Variants in CRKL observed in about 807,000 individuals in gnomAD.
CRKL encodes the protein CRK like proto-oncogene, adaptor protein.
Under a neutral mutation model 23.0 loss-of-function variants are expected in CRKL, and 3 were observed. The observed-to-expected ratio is 0.13, with a 90% CI of 0.06 to 0.34. The LOEUF (loss-of-function observed/expected upper bound fraction) is 0.34. Among genes scored for constraint, CRKL ranks in the 10% least tolerant of loss-of-function variants. CRKL has a pLI of 1.00. For synonymous variants in CRKL, 188 were observed against 160.7 expected (o/e 1.17, Z -1.28); for missense variants, 256 against 394.5 (o/e 0.65, Z 2.97).
chr22:20,947,255 T>TTC (rs1569138573), intron 2 of CRKL, among the ~76,000 whole-genome samples: 5 of 151,872 alleles, frequency 3.3e-5, no homozygotes, highest in African/African-American at 1.2e-4. Flanking sequence ...TTTTTTTTTT[T>TTC]CAATAGAAGC....
chr22:20,940,060 G>C (rs542029743), intron 2 of CRKL, among the ~76,000 whole-genome samples: 1 of 152,248 alleles, frequency 6.6e-6, no homozygotes, highest in South Asian at 2.1e-4. Context: ...AAAGTGCTGG[G>C]ATTATAGGCA....
At chr22:20,948,518 A>G (rs8142366) in intron 2 of CRKL, among the ~76,000 whole-genome samples, 4,546 of 152,208 alleles carry the variant, frequency 0.03, 217 homozygotes, top group African/African-American at 0.1. Flanking sequence ...GAACCTTTCA[A>G]AGTTGGAAGG....
At position 20,953,151 on chromosome 22, in the gene CRKL, T is replaced by C. The variant is rs906183347; in HGVS notation, c.*3306T>C. 1 of 231,720 alleles carries C rather than the reference T, an allele frequency of 4.3e-6. No individual in the cohort carries two copies. The highest frequency in any genetic ancestry group is 8.6e-6 in the Non-Finnish European group (1 of 116,918). 14.4% of individuals were successfully genotyped at this position (231,720 alleles called of 1,614,324 possible). ...CAGGTGTTTATAATTAATCCTTTAA[T>C]ATTATGGTTATTAACCTCTTAAACA... On this transcript the variant is annotated 3_prime_UTR_variant, in exon 3 of 3. Coordinates refer to ENST00000354336, the MANE Select transcript of CRKL (RefSeq NM_005207.4).
Position 20,950,085 on chromosome 22 carries a change from T to A in CRKL, c.*240T>A. On this transcript the variant is annotated 3_prime_UTR_variant, in exon 3 of 3. Coordinates refer to ENST00000354336, the MANE Select transcript of CRKL (RefSeq NM_005207.4). The stretch of plus-strand genomic sequence containing the variant: ...GTTCTTTTGGATCATAAACTGGAAA[T>A]ACTGATGGAAGCACACAAGTGGAGA... The A allele has an allele frequency of 4.1e-6, 2 of 489,970 alleles. No homozygotes were observed. Among genetic ancestry groups the A allele is most frequent in the Non-Finnish European group, 7.0e-6 (2 of 284,350 alleles). 30.4% of individuals were successfully genotyped at this position (489,970 alleles called of 1,614,324 possible). A position where few individuals can be genotyped will look rare whatever the true frequency, so the allele number is the denominator to read the frequency against.
At chr22:20,919,749 TG>T (rs1309759154) in intron 1 of CRKL, among the ~76,000 whole-genome samples, 2 of 152,160 alleles carry the variant, frequency 1.3e-5, no homozygotes, top group East Asian at 3.8e-4. Flanking sequence ...TATGACTTTA[TG>T]GATTTGTCGA....
chr22:20,944,850 A>T (rs1922000179), intron 2 of CRKL, among the ~76,000 whole-genome samples: 1 of 151,612 alleles, frequency 6.6e-6, no homozygotes, highest in East Asian at 1.9e-4. Context: ...AGTAGCTGGG[A>T]CTACAGGTGC....
At chr22:20,936,570 C>T (rs963805867) in intron 2 of CRKL, among the ~76,000 whole-genome samples, 1 of 152,034 alleles carries the variant, frequency 6.6e-6, no homozygotes, top group Admixed American at 6.6e-5. Context: ...AGGCTGGTCT[C>T]GAACTGCTGA....
chr22:20,949,769 T>C lies in CRKL; in HGVS notation c.836T>C (p.Val279Ala). ...ATAAATGGCCAGTGGGAAGGCGAAG[T>C]GAACGGGCGCAAAGGGCTTTTCCCC... ...MNINGQWEGE[V>A]NGRKGLFPFT... is the part of the protein sequence containing the mutation. The change falls in exon 3 of 3, where the codon GTG (valine) becomes GCG (alanine). Residue 279 changes from valine to alanine, a missense_variant. Val to Ala is a moderately conservative substitution (Grantham distance 64, BLOSUM62 0). Coordinates refer to ENST00000354336, the MANE Select transcript of CRKL (RefSeq NM_005207.4). 1 of 1,613,368 alleles carries C rather than the reference T, an allele frequency of 6.2e-7. No homozygotes were observed. Among genetic ancestry groups the C allele is most frequent in the Non-Finnish European group, 8.5e-7 (1 of 1,179,700 alleles).
chr22:20,920,469 A>G (rs1175706958), intron 1 of CRKL, among the ~76,000 whole-genome samples: 1 of 151,658 alleles, frequency 6.6e-6, no homozygotes, highest in African/African-American at 2.4e-5. Context: ...GCCACTGCAC[A>G]GCCCGGGTGA....
chr22:20,946,378 G>C (rs1922053759), intron 2 of CRKL, among the ~76,000 whole-genome samples: 1 of 152,256 alleles, frequency 6.6e-6, no homozygotes, highest in Admixed American at 6.5e-5. Flanking sequence ...AGACATAAAA[G>C]GGCTGACTAG....
chr22:20,920,740 G>GTA (rs1569130911), intron 1 of CRKL, among the ~76,000 whole-genome samples: 3 of 147,286 alleles, frequency 2.0e-5, no homozygotes, highest in South Asian at 2.2e-4. Flanking sequence ...TTGTACCTTT[G>GTA]CACCTTTGCT....
chr22:20,930,470 C>G (rs989856160), intron 1 of CRKL, among the ~76,000 whole-genome samples: 3 of 152,138 alleles, frequency 2.0e-5, no homozygotes, highest in African/African-American at 7.2e-5. Context: ...ACCTCTGCCT[C>G]CCAGGTTCAA....
chr22:20,930,788 C>G (rs1232747761), intron 1 of CRKL, among the ~76,000 whole-genome samples: 1 of 144,404 alleles, frequency 6.9e-6, no homozygotes, highest in African/African-American at 2.6e-5. Context: ...TTACACCATT[C>G]TCCTGCCTCA....
chr22:20,943,207 T>C (rs1410280203), intron 2 of CRKL, among the ~76,000 whole-genome samples: 1 of 152,172 alleles, frequency 6.6e-6, no homozygotes, highest in Non-Finnish European at 1.5e-5. Context: ...CATTTTTTAA[T>C]TGGGTTATTT....
At chr22:20,922,200 T>TAAAAA (rs1178928158) in intron 1 of CRKL, among the ~76,000 whole-genome samples, 3 of 151,564 alleles carry the variant, frequency 2.0e-5, no homozygotes, top group African/African-American at 7.3e-5. Flanking sequence ...TTTTTGTATT[T>TAAAAA]TTAGTAGAGA....
Position 20,952,452 on chromosome 22 carries a change from G to A in CRKL, c.*2607G>A. 4.3e-6 allele frequency: 1 copy of A among 231,400 alleles called. No homozygotes were observed. The highest frequency in any genetic ancestry group is 8.6e-6 in the Non-Finnish European group (1 of 116,640). 14.3% of individuals were successfully genotyped at this position (231,400 alleles called of 1,614,324 possible). ...AGGCGAGCTTGAGTTCTGCACTCCAGATATGTGCCAAAACTAGTAAAACTT... is the reference window on the plus strand; with the variant it reads ...AGGCGAGCTTGAGTTCTGCACTCCAAATATGTGCCAAAACTAGTAAAACTT... On this transcript the variant is annotated 3_prime_UTR_variant, in exon 3 of 3. Transcript: ENST00000354336.
intron 1 of CRKL, among the ~76,000 whole-genome samples, chr22:20,932,337 TCTGC>T (rs1358594880): frequency 1.3e-5 from 2 of 152,138 alleles, no homozygotes; most frequent in African/African-American, 4.8e-5. Context: ...CTCCAAGTCA[TCTGC>T]CTGCCTTGGC....
At chr22:20,920,613 ATCT>A (rs990503146) in intron 1 of CRKL, among the ~76,000 whole-genome samples, 4 of 152,092 alleles carry the variant, frequency 2.6e-5, no homozygotes, top group Admixed American at 6.6e-5. Context: ...ACATGCATGC[ATCT>A]TCTTAGAGAA....
At chr22:20,947,681 T>TCA (rs1278597228) in intron 2 of CRKL, among the ~76,000 whole-genome samples, 1 of 140,196 alleles carries the variant, frequency 7.1e-6, no homozygotes, top group African/African-American at 2.7e-5. Context: ...TTTTCATTTT[T>TCA]TTTTTTTTTT....
Sources: allele counts gnomAD v4.1 joint callset (sites outside exome capture counted in the v4.1 genomes callset), GRCh38; gene constraint gnomAD v4.1.1; transcripts MANE v1.5; gene names NCBI Gene and HGNC (gene_info 2026-07-23, HGNC 2026-07-21).